PRPF39: variants seen among roughly 807,000 people sequenced by gnomAD.
PRPF39 encodes the protein pre-mRNA-processing factor 39.
PRPF39 carries 27 observed loss-of-function variants against 82.1 expected under a neutral mutation model. The observed-to-expected ratio is 0.33, with a 90% CI of 0.24 to 0.45. The LOEUF (loss-of-function observed/expected upper bound fraction) is 0.45. PRPF39 is among the 20% of genes least tolerant of loss of function. The probability of loss-of-function intolerance (pLI) is 1.00; values close to 1 mark genes in which losing one functional copy is unlikely to be tolerated. For synonymous variants in PRPF39, 261 were observed against 256.4 expected (o/e 1.02, Z -0.17); for missense variants, 581 against 796.9 (o/e 0.73, Z 3.26).
At chr14:45,100,000 A>G (rs1884323995) in intron 4 of PRPF39, among the ~76,000 whole-genome samples, 1 of 152,074 alleles carries the variant, frequency 6.6e-6, no homozygotes, top group Non-Finnish European at 1.5e-5. Flanking sequence ...AGCCAGGCAC[A>G]GTGGATCACT....
At position 45,095,475 on chromosome 14, in the gene PRPF39, C is replaced by A. The variant is rs1417412059; in HGVS notation, c.236C>A (p.Pro79Gln). The A allele has an allele frequency of 6.2e-7, 1 of 1,613,732 alleles. No individual in the cohort carries two copies. Among genetic ancestry groups the A allele is most frequent in the Non-Finnish European group, 8.5e-7 (1 of 1,179,878 alleles). The part of the protein sequence containing the change: ...TLTETEANFP[P>Q]EYEKFWKTVE... ...ACAGAAACAGAAGCAAATTTCCCTC[C>A]AGAATATGAAAAATTTTGGAAAACT... The change falls in exon 2 of 14, where the codon CCA (proline) becomes CAA (glutamine). Residue 79 changes from proline to glutamine, a missense_variant. Physicochemically the swap from Pro to Gln is moderately conservative, Grantham distance 76. Transcript: ENST00000355765.
At chr14:45,095,867 AAG>A (rs778742317) in intron 2 of PRPF39, 99 of 465,660 alleles carry the variant, frequency 2.1e-4, no homozygotes, top group African/African-American at 1.9e-3. Context: ...TTAGAAGAAA[AAG>A]GGGGCTGCTG....
chr14:45,092,051 A>G (rs1884045734), intron 1 of PRPF39, among the ~76,000 whole-genome samples: 2 of 152,216 alleles, frequency 1.3e-5, no homozygotes, highest in South Asian at 4.1e-4. Flanking sequence ...GTCAAATCCA[A>G]GGTAAGAATA....
At chr14:45,099,884 A>G (rs920709497) in intron 4 of PRPF39, among the ~76,000 whole-genome samples, 3 of 152,132 alleles carry the variant, frequency 2.0e-5, no homozygotes, top group Admixed American at 6.6e-5. Context: ...CTCTGTTCCC[A>G]GGACGGTTTC....
At chr14:45,112,869 C>T (rs1166042093) in intron 11 of PRPF39, among the ~76,000 whole-genome samples, 1 of 152,136 alleles carries the variant, frequency 6.6e-6, no homozygotes, top group East Asian at 1.9e-4. Flanking sequence ...GATTAATCTC[C>T]AGTAGGAGTG....
chr14:45,085,226 T>C (rs193037874), intron 1 of PRPF39, among the ~76,000 whole-genome samples: 6 of 152,276 alleles, frequency 3.9e-5, no homozygotes, highest in African/African-American at 1.4e-4. Flanking sequence ...TATAACCTCA[T>C]TCTAGAGTTG....
intron 11 of PRPF39, among the ~76,000 whole-genome samples, chr14:45,113,851 G>C (rs1389342650): frequency 6.6e-6 from 1 of 152,160 alleles, no homozygotes; most frequent in Non-Finnish European, 1.5e-5. Flanking sequence ...GTTGTGCATT[G>C]AAAGCTAGAC....
rs201847020 is a variant in PRPF39, at chr14:45,110,056, C to G, written c.1177-38C>G. On this transcript the variant is annotated intron_variant, in intron 8 of 13. Transcript: ENST00000355765. This position sits in a 1 kb window ranked among gnomAD's most constrained non-coding sequence, Gnocchi z 4.0. ...GTCACAAATTTAATGGCTTGTTCAACTGTAAATTATTCAGTATTTCCTCTT... is the reference window on the plus strand; with the variant it reads ...GTCACAAATTTAATGGCTTGTTCAAGTGTAAATTATTCAGTATTTCCTCTT... 3.1e-6 allele frequency: 5 copies of G among 1,605,644 alleles called. No individual in the cohort carries two copies. The East Asian group carries it at 1.1e-4, about 36-fold the overall frequency.
chr14:45,098,446 C>CAA (rs545851843), intron 4 of PRPF39, among the ~76,000 whole-genome samples: 4 of 84,442 alleles, frequency 4.7e-5, no homozygotes, highest in South Asian at 3.6e-4. Flanking sequence ...GACCCTGTCT[C>CAA]AAAAAAAAAA....
chr14:45,116,119 T>TCTAA lies in PRPF39; in HGVS notation c.*1210_*1213dup. Reference sequence around the variant, plus strand: ...CTCTTCCTTTACAATAGTAACAAGTTCTAACTAGTTGTGTAAATTTCTTCA... The same window carrying TCTAA: ...CTCTTCCTTTACAATAGTAACAAGTTCTAACTAACTAGTTGTGTAAATTTCTTCA... On this transcript the variant is annotated 3_prime_UTR_variant, in exon 14 of 14. Transcript: ENST00000355765. 8.0e-6 allele frequency: 8 copies of TCTAA among 999,442 alleles called. No individual in the cohort carries two copies. The South Asian group carries it at 1.1e-4, about 13-fold the overall frequency. The allele number at this position is 999,442 out of a possible 1,614,324, so 61.9% of individuals were successfully genotyped here. A position where few individuals can be genotyped will look rare whatever the true frequency, so the allele number is the denominator to read the frequency against.
intron 11 of PRPF39, among the ~76,000 whole-genome samples, chr14:45,113,521 A>G (rs1884754515): frequency 6.6e-6 from 1 of 152,040 alleles, no homozygotes; most frequent in Non-Finnish European, 1.5e-5. Context: ...TGTGCTGTGT[A>G]TTTAGTGTCT....
chr14:45,095,269 A>G lies in PRPF39; in HGVS notation c.30A>G (p.Arg10=), dbSNP rs1265834037. The G allele has an allele frequency of 6.2e-7, 1 of 1,603,224 alleles. No individual in the cohort carries two copies. The highest frequency in any genetic ancestry group is 2.2e-5 in the East Asian group (1 of 44,636). MQNSHMDEY[R]NSSNGSTGNS... ...AAAATTCTCACATGGATGAATACAGAAATTCTAGTAATGGCAGCACAGGCA... is the reference window on the plus strand; with the variant it reads ...AAAATTCTCACATGGATGAATACAGGAATTCTAGTAATGGCAGCACAGGCA... Residue 10 remains arginine (R), a synonymous_variant, in exon 2 of 14, where the codon AGA becomes AGG. Coordinates refer to ENST00000355765, the MANE Select transcript of PRPF39 (RefSeq NM_017922.4).
At chr14:45,095,195 T>A (rs775173120) in intron 1 of PRPF39, 26 bp from the exon 2 acceptor site, 5 of 1,415,182 alleles carry the variant, frequency 3.5e-6, no homozygotes, top group Non-Finnish European at 4.8e-6. Flanking sequence ...TTGGAAGATA[T>A]TTCTCTTTTT....
chr14:45,087,954 A>G (rs945469615), intron 1 of PRPF39, among the ~76,000 whole-genome samples: 2 of 152,090 alleles, frequency 1.3e-5, no homozygotes, highest in Non-Finnish European at 2.9e-5. Flanking sequence ...TGAAAGCAAT[A>G]TACTGGGTTT....
rs944098092 is a variant in PRPF39 at position 45,106,596 on chromosome 14, T to C, written c.738-855T>C. ...TTTTTATAGATTAGCTTAAAACTAATCCACATTTCTTTGTGCAGAGTATTG... is the reference window on the plus strand; with the variant it reads ...TTTTTATAGATTAGCTTAAAACTAACCCACATTTCTTTGTGCAGAGTATTG... On this transcript the variant is annotated intron_variant, in intron 5 of 13. Transcript: ENST00000355765. 4.6e-5 allele frequency among the ~76,000 whole-genome samples: 7 copies of C among 152,224 alleles called. No individual in the cohort carries two copies. The East Asian group carries it at 1.3e-3, about 29-fold the overall frequency.
intron 4 of PRPF39, among the ~76,000 whole-genome samples, chr14:45,101,427 A>C (rs553747351): frequency 6.6e-6 from 1 of 152,202 alleles, no homozygotes; most frequent in South Asian, 2.1e-4. Flanking sequence ...ATCTCTTGAC[A>C]TGACTAGGTA....
chr14:45,102,834 C>A, intron 5 of PRPF39, 138 bp downstream of exon 5: 1 of 828,432 alleles, frequency 1.2e-6, no homozygotes, highest in Non-Finnish European at 1.8e-6. Flanking sequence ...CTAATCACAA[C>A]CTACATGCTT....
intron 1 of PRPF39, among the ~76,000 whole-genome samples, chr14:45,093,485 A>C (rs2139041307): frequency 6.6e-6 from 1 of 151,984 alleles, no homozygotes. Flanking sequence ...CGGCCTCCCA[A>C]AGTGCTGGGA....
rs543457645 is a variant in PRPF39 at position 45,110,314 on chromosome 14, A to C, written c.1303+94A>C. 1 of 1,495,302 alleles carries C rather than the reference A, an allele frequency of 6.7e-7. No homozygotes were observed. Among genetic ancestry groups the C allele is most frequent in the East Asian group, 2.4e-5 (1 of 42,478 alleles). 92.6% of individuals were successfully genotyped at this position (1,495,302 alleles called of 1,614,324 possible). ...AGTGGTAAGGGATGGTGTAAAGCAGAGTTTGGCAAACTTTTTCTCTAAAGG... is the reference window on the plus strand; with the variant it reads ...AGTGGTAAGGGATGGTGTAAAGCAGCGTTTGGCAAACTTTTTCTCTAAAGG... On this transcript the variant is annotated intron_variant, in intron 9 of 13. Coordinates refer to ENST00000355765, the MANE Select transcript of PRPF39 (RefSeq NM_017922.4). The surrounding 1 kb of genome is among the most constrained non-coding windows in gnomAD (Gnocchi z 4.0).
Sources: allele counts gnomAD v4.1 joint callset (sites outside exome capture counted in the v4.1 genomes callset), GRCh38; gene constraint gnomAD v4.1.1; non-coding constraint Gnocchi (gnomAD v3.1); transcripts MANE v1.5; gene names NCBI Gene and HGNC (gene_info 2026-07-23, HGNC 2026-07-21).